SNTG1: variants seen among roughly 807,000 people sequenced by gnomAD.
SNTG1 encodes gamma-1-syntrophin.
A neutral mutation model predicts 74.7 loss-of-function variants in SNTG1; 39 were observed. The ratio of observed to expected loss-of-function variants is 0.52; its 90% CI spans 0.40 to 0.68. SNTG1 has a LOEUF of 0.68. Ranked by LOEUF, SNTG1 falls within the 30% of genes least tolerant of loss-of-function variation. The probability of loss-of-function intolerance (pLI) is 0.00; values close to 1 mark genes in which losing one functional copy is unlikely to be tolerated. For synonymous variants in SNTG1, 254 were observed against 217.1 expected (o/e 1.17, Z -1.49); for missense variants, 685 against 609.5 (o/e 1.12, Z -1.30).
At chr8:50,641,571 A>G (rs2095073415) in intron 13 of SNTG1, among the ~76,000 whole-genome samples, 2 of 152,174 alleles carry the variant, frequency 1.3e-5, no homozygotes, top group African/African-American at 2.4e-5. Flanking sequence ...ACTGTCTCCA[A>G]TTAGCCTCCT....
Position 50,480,464 on chromosome 8 carries a change from A to G in SNTG1, c.364-22314A>G, listed in dbSNP as rs181153765. ...TATAATGCTTGGTTTATTTAAATTT[A>G]TTTTCTGTTTAGCTGGAGAGCTGCT... On this transcript the variant is annotated intron_variant, in intron 8 of 18. Coordinates refer to ENST00000642720, the MANE Select transcript of SNTG1 (RefSeq NM_018967.5). Among the ~76,000 whole-genome samples, 29 of 152,184 alleles carry G rather than the reference A, an allele frequency of 1.9e-4. 1 individual carries two copies. In the East Asian group the frequency reaches 5.6e-3, roughly 29 times the overall value.
rs2081009515 is a variant in SNTG1, at chr8:50,121,930, G to T, written c.-102-50631G>T. On this transcript the variant is annotated intron_variant, in intron 1 of 18. Transcript: ENST00000642720. ...TATACACTTTAAATACAAATCTTAAGTTTTCTGGATAGGAAAATTTTTAGT... is the reference window on the plus strand; with the variant it reads ...TATACACTTTAAATACAAATCTTAATTTTTCTGGATAGGAAAATTTTTAGT... Among the ~76,000 whole-genome samples the T allele has an allele frequency of 1.4e-5, 2 of 142,224 alleles. 1 individual carries two copies. The highest frequency in any genetic ancestry group is 5.1e-5 in the African/African-American group (2 of 39,340). 93.3% of individuals were successfully genotyped at this position (142,224 alleles called of 152,430 possible).
At chr8:50,095,084 T>A (rs972265137) in intron 1 of SNTG1, among the ~76,000 whole-genome samples, 4 of 152,150 alleles carry the variant, frequency 2.6e-5, no homozygotes, top group African/African-American at 7.2e-5. Context: ...TATTCTCACT[T>A]ACAAATGACA....
At chr8:50,136,740 A>G (rs1169456222) in intron 1 of SNTG1, among the ~76,000 whole-genome samples, 1 of 152,046 alleles carries the variant, frequency 6.6e-6, no homozygotes, top group Admixed American at 6.6e-5. Context: ...AGAGATGACT[A>G]TGACTTACCT....
intron 2 of SNTG1, among the ~76,000 whole-genome samples, chr8:50,263,579 C>G (rs902321764): frequency 1.5e-4 from 23 of 151,912 alleles, no homozygotes; most frequent in Admixed American, 1.4e-3. Context: ...ATACTAATAG[C>G]ATAAAATAGA....
At chr8:50,487,056 A>G (rs1419731595) in intron 8 of SNTG1, among the ~76,000 whole-genome samples, 1 of 152,004 alleles carries the variant, frequency 6.6e-6, no homozygotes, top group African/African-American at 2.4e-5. Context: ...GGTTTGCCAG[A>G]CATTTATGCA....
intron 13 of SNTG1, among the ~76,000 whole-genome samples, chr8:50,608,158 G>T (rs1457653550): frequency 6.6e-6 from 1 of 151,562 alleles, no homozygotes; most frequent in African/African-American, 2.4e-5. Context: ...TATAAAACAT[G>T]GATATGTACT....
chr8:50,648,884 T>A (rs948082617), intron 13 of SNTG1, among the ~76,000 whole-genome samples: 4 of 152,170 alleles, frequency 2.6e-5, no homozygotes, highest in Admixed American at 6.5e-5. Context: ...TTGATAATAA[T>A]GGTCTTGCTT....
At chr8:50,296,395 A>C (rs1360730517) in intron 2 of SNTG1, among the ~76,000 whole-genome samples, 5 of 152,230 alleles carry the variant, frequency 3.3e-5, no homozygotes, top group African/African-American at 1.2e-4. Context: ...TGTATAAAGA[A>C]AATGTGGCAC....
At chr8:50,109,530 G>A (rs937939211) in intron 1 of SNTG1, among the ~76,000 whole-genome samples, 2 of 152,114 alleles carry the variant, frequency 1.3e-5, no homozygotes, top group Non-Finnish European at 2.9e-5. Context: ...ATGTTCTGCA[G>A]CATTTAGCAA....
intron 1 of SNTG1, among the ~76,000 whole-genome samples, chr8:50,097,748 C>G (rs2079983994): frequency 6.6e-6 from 1 of 152,066 alleles, no homozygotes; most frequent in Non-Finnish European, 1.5e-5. Flanking sequence ...TTTGTTGACT[C>G]TGATTGAGAG....
At chr8:49,954,088 G>A (rs1322414803) in intron 1 of SNTG1, among the ~76,000 whole-genome samples, 1 of 152,148 alleles carries the variant, frequency 6.6e-6, no homozygotes, top group Non-Finnish European at 1.5e-5. Context: ...GCACCGTTAT[G>A]AGAATGATTT....
intron 15 of SNTG1, among the ~76,000 whole-genome samples, chr8:50,684,471 TAGTAA>T (rs968446379): frequency 3.9e-5 from 6 of 152,180 alleles, no homozygotes; most frequent in Non-Finnish European, 2.9e-5. Flanking sequence ...TAATTTATGG[TAGTAA>T]AGCTTCTTTC....
intron 15 of SNTG1, among the ~76,000 whole-genome samples, chr8:50,692,894 T>C (rs1288292837): frequency 6.6e-6 from 1 of 152,226 alleles, no homozygotes; most frequent in Non-Finnish European, 1.5e-5. Context: ...TGTGGTAGGC[T>C]CCACCCAGTT....
intron 8 of SNTG1, among the ~76,000 whole-genome samples, chr8:50,467,423 T>A (rs1307990293): frequency 6.6e-6 from 1 of 151,922 alleles, no homozygotes; most frequent in East Asian, 1.9e-4. Flanking sequence ...TCTGCGGGCA[T>A]AGAGTTGTTC....
chr8:50,180,005 A>G (rs1322764876), intron 2 of SNTG1, among the ~76,000 whole-genome samples: 1 of 152,244 alleles, frequency 6.6e-6, no homozygotes, highest in African/African-American at 2.4e-5. Flanking sequence ...CATTATTCAC[A>G]ATAGCCAAGA....
chr8:50,276,175 C>T (rs2088089977), intron 2 of SNTG1, among the ~76,000 whole-genome samples: 1 of 151,994 alleles, frequency 6.6e-6, no homozygotes, highest in Non-Finnish European at 1.5e-5. Context: ...TACAGGCCCA[C>T]GGCATTCTGC....
At chr8:50,726,201 CAA>C (rs1457786914) in intron 17 of SNTG1, among the ~76,000 whole-genome samples, 1 of 152,092 alleles carries the variant, frequency 6.6e-6, no homozygotes, top group African/African-American at 2.4e-5. Context: ...GAGCTCATAA[CAA>C]AGTCATTCAT....
intron 2 of SNTG1, among the ~76,000 whole-genome samples, chr8:50,389,957 G>C (rs963701970): frequency 1.3e-5 from 2 of 152,140 alleles, no homozygotes; most frequent in Non-Finnish European, 2.9e-5. Flanking sequence ...AAATTTGTTT[G>C]AGTTCTTTGT....
Sources: allele counts gnomAD v4.1 joint callset (sites outside exome capture counted in the v4.1 genomes callset), GRCh38; gene constraint gnomAD v4.1.1; transcripts MANE v1.5; gene names NCBI Gene and HGNC (gene_info 2026-07-23, HGNC 2026-07-21).